Variants in TRAM1 observed in about 807,000 individuals in gnomAD.
The protein encoded by TRAM1 is translocation associated membrane protein 1.
TRAM1 carries 17 observed loss-of-function variants against 48.7 expected under a neutral mutation model. The ratio of observed to expected loss-of-function variants is 0.35; its 90% CI spans 0.24 to 0.52. The LOEUF (loss-of-function observed/expected upper bound fraction) is 0.52. TRAM1 is among the 20% of genes least tolerant of loss of function. TRAM1 has a pLI of 0.94. For missense variants in TRAM1, 351 were observed against 441.5 expected, an observed-to-expected ratio of 0.79 and a Z score of 1.84; for synonymous variants, 182 against 154.0, an observed-to-expected ratio of 1.18 and a Z score of -1.34.
At chr8:70,601,641 G>C (rs920310912) in intron 1 of TRAM1, among the ~76,000 whole-genome samples, 1 of 152,162 alleles carries the variant, frequency 6.6e-6, no homozygotes, top group Non-Finnish European at 1.5e-5. Context: ...TCAGTTAAAA[G>C]TACAAACCGG....
chr8:70,589,530 C>T (rs184502825), intron 6 of TRAM1, among the ~76,000 whole-genome samples: 60 of 152,266 alleles, frequency 3.9e-4, no homozygotes, highest in South Asian at 3.5e-3. Flanking sequence ...CAATGAAATA[C>T]TTTTATTTAA....
At chr8:70,605,999 G>A (rs930532387) in intron 1 of TRAM1, among the ~76,000 whole-genome samples, 3 of 152,166 alleles carry the variant, frequency 2.0e-5, no homozygotes, top group Non-Finnish European at 2.9e-5. Context: ...TTCATTCAAA[G>A]CACTGCAAAT....
At chr8:70,585,640 A>G (rs1285299032) in intron 8 of TRAM1, among the ~76,000 whole-genome samples, 3 of 139,872 alleles carry the variant, frequency 2.1e-5, no homozygotes, top group African/African-American at 5.2e-5. Flanking sequence ...TCAAAAGAAG[A>G]TATTTATGCA....
intron 10 of TRAM1, among the ~76,000 whole-genome samples, chr8:70,579,495 G>A (rs987040589): frequency 2.2e-4 from 33 of 152,192 alleles, no homozygotes; most frequent in Non-Finnish European, 4.7e-4. Flanking sequence ...GGGGGTTTTG[G>A]AATGTATTCC....
In TRAM1 at chr8:70,583,334, ATT is replaced by A. The variant is rs751576569; in HGVS notation, c.891-12_891-11del. The A allele has an allele frequency of 6.2e-7, 1 of 1,610,658 alleles. No homozygotes were observed. Among genetic ancestry groups the A allele is most frequent in the Non-Finnish European group, 8.5e-7 (1 of 1,178,352 alleles). On this transcript the variant is annotated splice_polypyrimidine_tract_variant and intron_variant, in intron 9 of 10. Transcript: ENST00000262213. ...TGCCAGAACAGCGATTCTAAGAAAT[ATT>A]AAGACATAAAAAGTTAGTGTATAAA...
chr8:70,597,553 C>A (rs1484830394), intron 4 of TRAM1, among the ~76,000 whole-genome samples: 2 of 150,440 alleles, frequency 1.3e-5, no homozygotes, highest in Non-Finnish European at 3.0e-5. Context: ...GTCTGTAGTC[C>A]CAGCTACTTG....
intron 8 of TRAM1, among the ~76,000 whole-genome samples, chr8:70,585,576 C>G (rs1817192698): frequency 1.6e-5 from 1 of 62,456 alleles, no homozygotes; most frequent in Non-Finnish European, 5.4e-5. Context: ...AACAAATTTA[C>G]AAGAAAAAAA....
chr8:70,597,027 A>C (rs1817502117), intron 4 of TRAM1, among the ~76,000 whole-genome samples: 1 of 152,190 alleles, frequency 6.6e-6, no homozygotes, highest in Admixed American at 6.5e-5. Flanking sequence ...GTTTTAGTCT[A>C]CTTCCAACAT....
intron 8 of TRAM1, among the ~76,000 whole-genome samples, chr8:70,586,328 C>T (rs546393757): frequency 6.7e-6 from 1 of 148,722 alleles, no homozygotes; most frequent in East Asian, 2.0e-4. Context: ...TGCTAAATGA[C>T]GAGTTAATGG....
rs551125492 is a variant in TRAM1 at position 70,580,686 on chromosome 8, G to A, written c.1051+2478C>T. On this transcript the variant is annotated intron_variant, in intron 10 of 10. Transcript: ENST00000262213. Reference sequence around the variant, plus strand: ...TCACCATTTCTATTCAACACCTGTTGTGGAGGTTCTGGGCAGGGCAATTTG... The same window carrying A: ...TCACCATTTCTATTCAACACCTGTTATGGAGGTTCTGGGCAGGGCAATTTG... Among the ~76,000 whole-genome samples the A allele has an allele frequency of 9.9e-5, 15 of 152,022 alleles. No homozygotes were observed. The South Asian group carries it at 3.1e-3, about 32-fold the overall frequency.
At position 70,574,939 on chromosome 8, in the gene TRAM1, G is replaced by C. The variant is rs1816913331; in HGVS notation, c.1118C>G (p.Ser373Cys). The C allele has an allele frequency of 6.2e-7, 1 of 1,601,332 alleles. No homozygotes were observed. Among genetic ancestry groups the C allele is most frequent in the East Asian group, 2.2e-5 (1 of 44,644 alleles). ...ADSPRNKKEK[S>C]S ...CAATTAGTTTATAATTCATTATGAA[G>C]ATTTCTCTTTTTTATTCCGGGGAGA... Residue 373 changes from serine to cysteine, a missense_variant, in exon 11 of 11, where the codon TCT (serine) becomes TGT (cysteine). Transcript: ENST00000262213.
intron 5 of TRAM1, 67 bp from the exon 6 acceptor site, chr8:70,594,657 T>A: frequency 7.7e-7 from 1 of 1,296,014 alleles, no homozygotes; most frequent in Non-Finnish European, 1.1e-6. Flanking sequence ...AGTAAACAAA[T>A]ACTGGAAATC....
chr8:70,604,083 T>C lies in TRAM1; in HGVS notation c.123+3994A>G, dbSNP rs189454268. Among the ~76,000 whole-genome samples, 3 of 152,246 alleles carry C rather than the reference T, an allele frequency of 2.0e-5. No homozygotes were observed. In the East Asian group the frequency reaches 5.8e-4, roughly 29 times the overall value. On this transcript the variant is annotated intron_variant, in intron 1 of 10. Transcript: ENST00000262213. The stretch of plus-strand genomic sequence containing the variant: ...TATATAATGCACTCGAAAGTAAAAA[T>C]ACCTGAGTTTATGACAGTTTGAACA...
In TRAM1 at chr8:70,598,121, A is replaced by G. The variant is rs758145858; in HGVS notation, c.309+13T>C. ...ACTTTATAAAGTATAGATTTCTAAG[A>G]CTGCATACTTACATCCAACATATAC... On this transcript the variant is annotated intron_variant, in intron 3 of 10. Transcript: ENST00000262213. 2.5e-6 allele frequency: 4 copies of G among 1,607,976 alleles called. No individual in the cohort carries two copies. The highest frequency in any genetic ancestry group is 1.7e-6 in the Non-Finnish European group (2 of 1,177,106).
intron 1 of TRAM1, chr8:70,607,471 G>C: frequency 1.0e-6 from 1 of 985,508 alleles, no homozygotes; most frequent in Non-Finnish European, 1.2e-6. Flanking sequence ...CCGGTGCCCG[G>C]CGGCCACCGC....
intron 10 of TRAM1, among the ~76,000 whole-genome samples, chr8:70,576,855 G>A (rs544984695): frequency 4.6e-5 from 7 of 152,306 alleles, no homozygotes; most frequent in African/African-American, 1.7e-4. Context: ...TGTTCAGGAA[G>A]CCCTACTACC....
chr8:70,573,672 C>CACAA lies in TRAM1; in HGVS notation c.*1256_*1259dup, dbSNP rs1204047748. 1.3e-5 allele frequency: 2 copies of CACAA among 152,498 alleles called. No homozygotes were observed. The highest frequency in any genetic ancestry group is 6.6e-5 in the Admixed American group (1 of 15,260). 9.4% of individuals were successfully genotyped at this position (152,498 alleles called of 1,614,324 possible). A position where few individuals can be genotyped will look rare whatever the true frequency, so the allele number is the denominator to read the frequency against. On this transcript the variant is annotated 3_prime_UTR_variant, in exon 11 of 11. Transcript: ENST00000262213. ...TCTGCAACTTTTACACTAAAAATGG[C>CACAA]ACAAACAGCTGGTGACACAAGTGAG...
Position 70,606,652 on chromosome 8 carries a change from T to TA in TRAM1, c.123+1424dup, listed in dbSNP as rs1204140684. Among the ~76,000 whole-genome samples, 6 of 152,260 alleles carry TA rather than the reference T, an allele frequency of 3.9e-5. No homozygotes were observed. In the East Asian group the frequency reaches 1.2e-3, roughly 29 times the overall value. On this transcript the variant is annotated intron_variant, in intron 1 of 10. Transcript: ENST00000262213. ...GTAGGTAGGTGGCACAGCCCAGACT[T>TA]AAAGCTTGAGAATGTTAGTTTCCTT... is the stretch of plus-strand genomic sequence containing the variant.
At chr8:70,584,164 G>A (rs1817150390) in intron 8 of TRAM1, among the ~76,000 whole-genome samples, 2 of 152,104 alleles carry the variant, frequency 1.3e-5, no homozygotes, top group Non-Finnish European at 2.9e-5. Flanking sequence ...ACACATATTA[G>A]CCTATTTAAA....
Sources: allele counts gnomAD v4.1 joint callset (sites outside exome capture counted in the v4.1 genomes callset), GRCh38; gene constraint gnomAD v4.1.1; transcripts MANE v1.5; gene names NCBI Gene and HGNC (gene_info 2026-07-23, HGNC 2026-07-21).